UVRAG: variants seen among roughly 807,000 people sequenced by gnomAD.
The protein encoded by UVRAG is UV radiation resistance associated.
Under a neutral mutation model 78.0 loss-of-function variants are expected in UVRAG, and 19 were observed. The ratio of observed to expected loss-of-function variants is 0.24; its 90% confidence interval spans 0.17 to 0.36. The LOEUF (loss-of-function observed/expected upper bound fraction) is 0.36, where lower values mean the gene tolerates loss of function less well. UVRAG is among the 10% of genes least tolerant of loss of function. UVRAG has a pLI of 1.00. For missense variants in UVRAG, 740 were observed against 853.8 expected (o/e 0.87, Z 1.66); for synonymous variants, 323 against 324.6 (o/e 1.00, Z 0.05).
intron 1 of UVRAG, among the ~76,000 whole-genome samples, chr11:75,830,626 G>C (rs1015138188): frequency 6.6e-6 from 1 of 152,124 alleles, no homozygotes; most frequent in African/African-American, 2.4e-5. Flanking sequence ...CTGGTCCTGG[G>C]TATAACTAAG....
chr11:75,969,772 T>TA (rs1319933960), intron 7 of UVRAG, among the ~76,000 whole-genome samples: 2 of 152,220 alleles, frequency 1.3e-5, no homozygotes, highest in African/African-American at 4.8e-5. Flanking sequence ...ATGCTGTAAG[T>TA]ACTTTTAATA....
intron 12 of UVRAG, among the ~76,000 whole-genome samples, chr11:76,037,749 G>T (rs1268528029): frequency 1.3e-5 from 2 of 151,972 alleles, no homozygotes; most frequent in African/African-American, 4.8e-5. Context: ...TTAAATTCTG[G>T]AACCAGATAA....
intron 6 of UVRAG, among the ~76,000 whole-genome samples, chr11:75,943,784 T>C (rs1948531938): frequency 6.6e-6 from 1 of 152,132 alleles, no homozygotes; most frequent in African/African-American, 2.4e-5. Context: ...ATTTTATAAG[T>C]ATTTATAAGC....
chr11:75,874,288 C>T (rs897852801), intron 3 of UVRAG, among the ~76,000 whole-genome samples: 7 of 151,896 alleles, frequency 4.6e-5, no homozygotes, highest in African/African-American at 1.7e-4. Context: ...AACAACAACA[C>T]ACACACACAA....
chr11:76,051,699 G>A (rs1425813799), intron 12 of UVRAG, among the ~76,000 whole-genome samples: 1 of 152,124 alleles, frequency 6.6e-6, no homozygotes, highest in African/African-American at 2.4e-5. Flanking sequence ...ATGTTCTGGT[G>A]TAAATCTTCT....
intron 5 of UVRAG, among the ~76,000 whole-genome samples, chr11:75,896,511 A>T (rs1181923215): frequency 1.3e-5 from 2 of 152,210 alleles, no homozygotes; most frequent in Non-Finnish European, 2.9e-5. Flanking sequence ...TATAAGTTTA[A>T]TTATAGGCAC....
At chr11:75,852,307 T>TA (rs1946171076) in intron 2 of UVRAG, among the ~76,000 whole-genome samples, 1 of 152,244 alleles carries the variant, frequency 6.6e-6, no homozygotes, top group African/African-American at 2.4e-5. Flanking sequence ...TTTACTTTTA[T>TA]AAAAATGTAA....
intron 13 of UVRAG, among the ~76,000 whole-genome samples, chr11:76,114,128 C>G (rs536533660): frequency 6.6e-6 from 1 of 151,710 alleles, no homozygotes; most frequent in Non-Finnish European, 1.5e-5. Context: ...GGTAAAATTT[C>G]CATGCCATGT....
intron 6 of UVRAG, chr11:75,942,485 G>A (rs1189805521): frequency 6.6e-6 from 1 of 152,140 alleles, no homozygotes; most frequent in Non-Finnish European, 1.5e-5. Flanking sequence ...TTCACAGCGG[G>A]AGAGTCTTTC....
At chr11:75,889,164 C>T (rs1947159640) in intron 5 of UVRAG, among the ~76,000 whole-genome samples, 1 of 152,300 alleles carries the variant, frequency 6.6e-6, no homozygotes, top group East Asian at 1.9e-4. Context: ...TCTTATTCTA[C>T]ATAACTCTTT....
intron 12 of UVRAG, among the ~76,000 whole-genome samples, chr11:76,041,354 T>C (rs1950645760): frequency 6.6e-6 from 1 of 152,068 alleles, no homozygotes; most frequent in Non-Finnish European, 1.5e-5. Context: ...AAGTAGGAAG[T>C]GAGGTATATC....
Position 75,961,447 on chromosome 11 carries a change from T to A in UVRAG, c.597T>A (p.Leu199=). 1.3e-6 allele frequency: 2 copies of A among 1,588,084 alleles called. No homozygotes were observed. The highest frequency in any genetic ancestry group is 1.7e-6 in the Non-Finnish European group (2 of 1,173,906). ...TTTCTATAACTTATATTTCTAGGCTTCATAGAGCCCAGTGTGCAATTAAAC... is the reference window on the plus strand; with the variant it reads ...TTTCTATAACTTATATTTCTAGGCTACATAGAGCCCAGTGTGCAATTAAAC... ...NSYDVFSLLR[L]HRAQCAIKQT... Residue 199 remains leucine (L), a synonymous_variant, in exon 7 of 15, where the codon CTT becomes CTA. Transcript: ENST00000356136.
intron 13 of UVRAG, among the ~76,000 whole-genome samples, chr11:76,107,161 A>C (rs1359765118): frequency 6.6e-6 from 1 of 152,252 alleles, no homozygotes; most frequent in East Asian, 1.9e-4. Flanking sequence ...ATTCCAAAGC[A>C]AAGGACCATC....
intron 6 of UVRAG, among the ~76,000 whole-genome samples, chr11:75,955,759 C>T (rs1459555532): frequency 1.3e-5 from 2 of 152,106 alleles, no homozygotes; most frequent in South Asian, 2.1e-4. Flanking sequence ...CCCAGTTGCA[C>T]GCTCCTGTAG....
chr11:76,031,859 T>G (rs1368185893), intron 12 of UVRAG, among the ~76,000 whole-genome samples: 1 of 152,210 alleles, frequency 6.6e-6, no homozygotes, highest in Non-Finnish European at 1.5e-5. Flanking sequence ...GTGCCAGTAG[T>G]TCATGGACTA....
chr11:75,963,567 T>C (rs1394279007), intron 7 of UVRAG, among the ~76,000 whole-genome samples: 1 of 152,248 alleles, frequency 6.6e-6, no homozygotes, highest in Non-Finnish European at 1.5e-5. Flanking sequence ...CCATTTCCGA[T>C]ATTTAAGAAA....
intron 6 of UVRAG, among the ~76,000 whole-genome samples, chr11:75,931,714 C>A (rs1397685841): frequency 6.6e-6 from 1 of 152,104 alleles, no homozygotes; most frequent in Non-Finnish European, 1.5e-5. Flanking sequence ...AATACAAAAA[C>A]ATTAAATAGT....
chr11:75,911,074 CT>C (rs1283180775), intron 5 of UVRAG: 2 of 152,734 alleles, frequency 1.3e-5, no homozygotes, highest in Non-Finnish European at 2.9e-5. Flanking sequence ...TTTTTTTGAC[CT>C]AACACCGAAT....
intron 6 of UVRAG, among the ~76,000 whole-genome samples, chr11:75,927,031 G>A (rs1416823350): frequency 6.6e-6 from 1 of 151,892 alleles, no homozygotes; most frequent in African/African-American, 2.4e-5. Flanking sequence ...GATCCAGAAA[G>A]GGGAATTGAT....
Sources: allele counts gnomAD v4.1 joint callset (sites outside exome capture counted in the v4.1 genomes callset), GRCh38; gene constraint gnomAD v4.1.1; transcripts MANE v1.5; gene names NCBI Gene and HGNC (gene_info 2026-07-23, HGNC 2026-07-21).